The following SORL1 variants were observed in gnomAD, a reference collection of about 807,000 sequenced individuals.
SORL1 encodes sortilin related receptor 1.
Under a neutral mutation model 273.7 loss-of-function variants are expected in SORL1, and 127 were observed. The ratio of observed to expected loss-of-function variants is 0.46; its 90% CI spans 0.40 to 0.54. The LOEUF is 0.54. Ranked by LOEUF, SORL1 falls within the 20% of genes least tolerant of loss-of-function variation. The pLI is 0.00. For missense variants in SORL1, 2,494 were observed against 2,846.1 expected, an observed-to-expected ratio of 0.88 and a Z score of 2.81; for synonymous variants, 1,031 against 1,067.4, an observed-to-expected ratio of 0.97 and a Z score of 0.66.
chr11:121,605,120 G>T lies in SORL1; in HGVS notation c.4659G>T (p.Leu1553Phe), dbSNP rs1184782391. The stretch of plus-strand genomic sequence containing the variant: ...TCTCCTTTATCTCTCTAGATGAGTT[G>T]ACTGTGTACAAAGTACAGAATCTTC... Reference protein sequence around the residue: ...ESDEKACSDELTVYKVQNLQW... With the variant: ...ESDEKACSDEFTVYKVQNLQW... Residue 1553 changes from leucine to phenylalanine, a missense_variant, in exon 34 of 48, where the codon TTG (leucine) becomes TTT (phenylalanine). Transcript: ENST00000260197. 18 of 1,610,740 alleles carry T rather than the reference G, an allele frequency of 1.1e-5. No individual in the cohort carries two copies. The highest frequency in any genetic ancestry group is 1.4e-5 in the Non-Finnish European group (17 of 1,178,804).
chr11:121,574,252 T>C lies in SORL1; in HGVS notation c.3349T>C (p.Cys1117Arg). ...CTATCCCATTTTAGCTACCACCATCTGTGACCTGGACACCCAGTTTCGTTG... is the reference window on the plus strand; with the variant it reads ...CTATCCCATTTTAGCTACCACCATCCGTGACCTGGACACCCAGTTTCGTTG... ...SDERNCPTTI[C>R]DLDTQFRCQE... The change falls in exon 24 of 48, where the codon TGT becomes CGT. Residue 1117 changes from cysteine (C) to arginine (R), a missense_variant. Transcript: ENST00000260197. 2 of 1,613,928 alleles carry C rather than the reference T, an allele frequency of 1.2e-6. No individual in the cohort carries two copies. Among genetic ancestry groups the C allele is most frequent in the Non-Finnish European group, 1.7e-6 (2 of 1,179,786 alleles).
intron 6 of SORL1, among the ~76,000 whole-genome samples, chr11:121,508,103 T>A (rs76372631): frequency 6.6e-6 from 1 of 152,262 alleles, no homozygotes; most frequent in African/African-American, 2.4e-5. Context: ...TTTGAACCAC[T>A]AAGTCTCTCA....
At chr11:121,512,426 A>G (rs930754089) in intron 6 of SORL1, among the ~76,000 whole-genome samples, 16 of 152,220 alleles carry the variant, frequency 1.1e-4, no homozygotes, top group Admixed American at 6.5e-4. Flanking sequence ...TACTCTACCA[A>G]TGAATATGTA....
intron 28 of SORL1, among the ~76,000 whole-genome samples, chr11:121,588,677 G>A (rs908358267): frequency 2.0e-5 from 3 of 152,160 alleles, no homozygotes; most frequent in Non-Finnish European, 4.4e-5. Context: ...TCCTGGGACT[G>A]CTGTAGCAGA....
rs1863297877 is a variant in SORL1 at position 121,596,556 on chromosome 11, C to CT, written c.4519+785dup. Among the ~76,000 whole-genome samples, 3 of 152,226 alleles carry CT rather than the reference C, an allele frequency of 2.0e-5. No homozygotes were observed. The highest frequency in any genetic ancestry group is 4.4e-5 in the Non-Finnish European group (3 of 68,030). ...TGCAGCCCCCCACCGGCCTGCCTCT[C>CT]TGACGGTTGGGTGCTGCTCTGGCTC... On this transcript the variant is annotated intron_variant, in intron 32 of 47. Coordinates refer to ENST00000260197, the MANE Select transcript of SORL1 (RefSeq NM_003105.6). This position sits in a 1 kb window ranked among gnomAD's most constrained non-coding sequence, Gnocchi z 4.3.
chr11:121,627,269 A>T lies in SORL1; in HGVS notation c.6365-286A>T. ...GAAATCAATGTTGATACCCCAACAA[A>T]GGTCTCCCTTCCAAGAGATTATCTA... is the stretch of plus-strand genomic sequence containing the variant. On this transcript the variant is annotated intron_variant, in intron 46 of 47. Coordinates refer to ENST00000260197, the MANE Select transcript of SORL1 (RefSeq NM_003105.6). The surrounding 1 kb of genome is among the most constrained non-coding windows in gnomAD (Gnocchi z 4.9). 2.4e-6 allele frequency: 1 copy of T among 416,148 alleles called. No homozygotes were observed. The highest frequency in any genetic ancestry group is 4.4e-6 in the Non-Finnish European group (1 of 229,442). The allele number at this position is 416,148 out of a possible 1,614,324, so 25.8% of individuals were successfully genotyped here.
At chr11:121,517,146 T>A (rs1861966735) in intron 8 of SORL1, among the ~76,000 whole-genome samples, 1 of 152,198 alleles carries the variant, frequency 6.6e-6, no homozygotes, top group South Asian at 2.1e-4. Flanking sequence ...ACATTTACAA[T>A]GTTGTGCCAC....
chr11:121,482,066 T>C (rs1861398967), intron 3 of SORL1, among the ~76,000 whole-genome samples: 1 of 152,228 alleles, frequency 6.6e-6, no homozygotes, highest in Non-Finnish European at 1.5e-5. Flanking sequence ...CTGCTTGTTG[T>C]GGGTTGTGGT....
At chr11:121,478,280 G>T in intron 3 of SORL1, 37 bp downstream of exon 3, 1 of 1,600,316 alleles carries the variant, frequency 6.2e-7, no homozygotes, top group Non-Finnish European at 8.5e-7. Flanking sequence ...CCGACTTCAT[G>T]GGACTGGGTT....
chr11:121,484,425 G>A (rs984893214), intron 3 of SORL1, among the ~76,000 whole-genome samples: 2 of 151,990 alleles, frequency 1.3e-5, no homozygotes, highest in Non-Finnish European at 2.9e-5. Context: ...AGCACTGAGA[G>A]GAAAAAGGAA....
chr11:121,621,306 A>G, intron 44 of SORL1, 68 bp downstream of exon 44: 1 of 1,381,418 alleles, frequency 7.2e-7, no homozygotes, highest in East Asian at 2.3e-5. Context: ...CTAGACCTCC[A>G]GAGACAGACT....
In SORL1 at chr11:121,629,691, C is replaced by CAAAAAAAA. The variant is rs566582399; in HGVS notation, c.*135_*142dup. The CAAAAAAAA allele has an allele frequency of 1.2e-5, 5 of 413,606 alleles. No individual in the cohort carries two copies. Among genetic ancestry groups the CAAAAAAAA allele is most frequent in the South Asian group, 6.5e-5 (2 of 30,960 alleles). 25.6% of individuals were successfully genotyped at this position (413,606 alleles called of 1,614,324 possible). A position where few individuals can be genotyped will look rare whatever the true frequency, so the allele number is the denominator to read the frequency against. On this transcript the variant is annotated 3_prime_UTR_variant, in exon 48 of 48. Transcript: ENST00000260197. ...TTTTATATGGGCCAAAAACAAAAAA[C>CAAAAAAAA]AAAAAAAAAAAAAAGGAAAGAAAGG...
At chr11:121,481,174 T>C (rs1369687765) in intron 3 of SORL1, among the ~76,000 whole-genome samples, 4 of 122,214 alleles carry the variant, frequency 3.3e-5, no homozygotes, top group Non-Finnish European at 5.1e-5. Flanking sequence ...CACAGATACC[T>C]ATAGGCAGGC....
chr11:121,488,756 T>A (rs754925517), intron 4 of SORL1, among the ~76,000 whole-genome samples: 1 of 152,214 alleles, frequency 6.6e-6, no homozygotes, highest in Non-Finnish European at 1.5e-5. Context: ...GTAAGACTTA[T>A]ATCTCAAGGT....
intron 6 of SORL1, among the ~76,000 whole-genome samples, chr11:121,499,560 GA>G (rs1208631289): frequency 6.6e-6 from 1 of 152,198 alleles, no homozygotes; most frequent in African/African-American, 2.4e-5. Context: ...ACTGTCTAGG[GA>G]ATATTTCTCA....
intron 12 of SORL1, among the ~76,000 whole-genome samples, chr11:121,533,961 A>G (rs1201505976): frequency 1.3e-5 from 2 of 152,242 alleles, no homozygotes; most frequent in African/African-American, 4.8e-5. Flanking sequence ...ATCACAGAGC[A>G]CAGTACTTCC....
At position 121,514,272 on chromosome 11, in the gene SORL1, A is replaced by C; in HGVS notation, c.1162A>C (p.Asn388His). The C allele has an allele frequency of 1.2e-6, 2 of 1,614,214 alleles. No individual in the cohort carries two copies. The highest frequency in any genetic ancestry group is 8.5e-7 in the Non-Finnish European group (1 of 1,180,036). ...EGLKFSLSLE[N>H]VLYYSPGGAG... Reference sequence around the variant, plus strand: ...GCTGAAGTTCTCCCTGTCCTTGGAGAACGTGCTCTATTACAGCCCAGGAGG... The same window carrying C: ...GCTGAAGTTCTCCCTGTCCTTGGAGCACGTGCTCTATTACAGCCCAGGAGG... The change falls in exon 8 of 48, where the codon AAC becomes CAC. Residue 388 changes from asparagine to histidine, a missense_variant. Coordinates refer to ENST00000260197, the MANE Select transcript of SORL1 (RefSeq NM_003105.6).
At chr11:121,570,779 A>G (rs1452569915) in intron 23 of SORL1, among the ~76,000 whole-genome samples, 2 of 152,216 alleles carry the variant, frequency 1.3e-5, no homozygotes, top group Non-Finnish European at 2.9e-5. Flanking sequence ...GTGTGGGGCC[A>G]TTGGTGTACA....
chr11:121,628,715 G>A (rs986967956), intron 47 of SORL1: 1 of 152,310 alleles, frequency 6.6e-6, no homozygotes, highest in East Asian at 1.9e-4. Flanking sequence ...GGTGTGTTAC[G>A]AGGCTTCCCC....
Sources: gnomAD v4.1 joint callset for allele counts (sites outside exome capture counted in the v4.1 genomes callset) on GRCh38, gnomAD v4.1.1 for gene constraint, Gnocchi (gnomAD v3.1) non-coding constraint, MANE v1.5 for transcripts, NCBI Gene and HGNC (gene_info 2026-07-23, HGNC 2026-07-21) for gene names.